The following THSD4 variants were observed in gnomAD, a reference collection of about 807,000 sequenced individuals.
The protein encoded by THSD4 is thrombospondin type-1 domain-containing protein 4.
THSD4 carries 69 observed loss-of-function variants against 119.0 expected under a neutral mutation model. That is an observed-to-expected ratio of 0.58 (90% confidence interval 0.48 to 0.71). The LOEUF (loss-of-function observed/expected upper bound fraction) is 0.71. Ranked by LOEUF, THSD4 falls within the 30% of genes least tolerant of loss-of-function variation. THSD4 has a pLI of 0.00. For synonymous variants in THSD4, 524 were observed against 540.4 expected (o/e 0.97, Z 0.42); for missense variants, 1,393 against 1,391.1 (o/e 1.00, Z -0.02).
At chr15:71,225,905 G>T (rs2044014239) in intron 4 of THSD4, among the ~76,000 whole-genome samples, 1 of 152,048 alleles carries the variant, frequency 6.6e-6, no homozygotes, top group Admixed American at 6.6e-5. Context: ...CACTGACATT[G>T]TAACTCTTCA....
intron 3 of THSD4, among the ~76,000 whole-genome samples, chr15:71,161,705 C>G (rs540866758): frequency 2.6e-5 from 4 of 151,832 alleles, no homozygotes; most frequent in South Asian, 2.1e-4. Context: ...TTCAGTTACT[C>G]TATTTTTTTT....
intron 7 of THSD4, among the ~76,000 whole-genome samples, chr15:71,442,614 GTGT>G: frequency 3.6e-5 from 2 of 55,270 alleles, no homozygotes; most frequent in African/African-American, 5.4e-5. Context: ...GTGTGTGTGT[GTGT>G]GTATATATAT....
chr15:71,243,170 A>T, intron 5 of THSD4, 74 bp downstream of exon 5: 1 of 1,455,266 alleles, frequency 6.9e-7, no homozygotes, highest in Non-Finnish European at 9.3e-7. Context: ...ACTAAGCATG[A>T]TGAAGACAGC....
chr15:71,420,452 G>C lies in THSD4; in HGVS notation c.1152+8629G>C, dbSNP rs539247945. ...CCACTCTATGTCTTTTGATTTGTGA[G>C]TTTTGTCCATTTCCATTCAATGTTA... On this transcript the variant is annotated intron_variant, in intron 7 of 17. Transcript: ENST00000261862. Among the ~76,000 whole-genome samples the C allele has an allele frequency of 2.9e-5, 3 of 105,118 alleles. 1 individual carries two copies. In the South Asian group the frequency reaches 9.0e-4, roughly 31 times the overall value. 69.0% of individuals were successfully genotyped at this position (105,118 alleles called of 152,430 possible).
chr15:71,410,341 C>G (rs1366729485), intron 6 of THSD4, among the ~76,000 whole-genome samples: 1 of 152,140 alleles, frequency 6.6e-6, no homozygotes, highest in African/African-American at 2.4e-5. Context: ...TAGAGGAGGC[C>G]ACATCAACCT....
intron 1 of THSD4, among the ~76,000 whole-genome samples, chr15:71,131,906 G>A (rs1055242288): frequency 1.3e-5 from 2 of 152,182 alleles, no homozygotes; most frequent in East Asian, 1.9e-4. Context: ...GGAATCACTC[G>A]ATGGAAAAAG....
chr15:71,332,961 T>G (rs2140376438), intron 6 of THSD4, among the ~76,000 whole-genome samples: 1 of 146,798 alleles, frequency 6.8e-6, no homozygotes, highest in South Asian at 2.2e-4. Context: ...CCCCAGACAA[T>G]TCTTATTCCA....
chr15:71,654,904 T>G (rs1326512653), intron 7 of THSD4, among the ~76,000 whole-genome samples: 7 of 152,170 alleles, frequency 4.6e-5, no homozygotes, highest in Admixed American at 1.3e-4. Context: ...CTCCACTATC[T>G]GAATGCCTGG....
At chr15:71,447,354 C>A (rs1246829786) in intron 7 of THSD4, among the ~76,000 whole-genome samples, 1 of 152,008 alleles carries the variant, frequency 6.6e-6, no homozygotes, top group Non-Finnish European at 1.5e-5. Flanking sequence ...CTCTTGACCT[C>A]GTGATCCGCC....
intron 7 of THSD4, among the ~76,000 whole-genome samples, chr15:71,472,074 C>T (rs530343227): frequency 6.6e-6 from 1 of 152,204 alleles, no homozygotes; most frequent in Admixed American, 6.5e-5. Flanking sequence ...ACCACCATGC[C>T]TGGCTAAATT....
chr15:71,608,222 C>CA (rs1220559216), intron 7 of THSD4, among the ~76,000 whole-genome samples: 2,366 of 45,804 alleles, frequency 0.052, 29 homozygotes, highest in East Asian at 0.13. Flanking sequence ...AACTCTGTCT[C>CA]AAAAAAAAAA....
chr15:71,221,518 C>A (rs917850492), intron 4 of THSD4, among the ~76,000 whole-genome samples: 7 of 152,198 alleles, frequency 4.6e-5, no homozygotes, highest in Non-Finnish European at 1.0e-4. Flanking sequence ...TTAAGTATCT[C>A]ATGTAAATTG....
chr15:71,738,834 C>T (rs930817480), intron 11 of THSD4, among the ~76,000 whole-genome samples: 3 of 152,084 alleles, frequency 2.0e-5, no homozygotes, highest in African/African-American at 4.8e-5. Context: ...ACCAATACTG[C>T]GTGGCCCAAG....
intron 7 of THSD4, among the ~76,000 whole-genome samples, chr15:71,449,917 G>A (rs2047239426): frequency 6.6e-6 from 1 of 152,034 alleles, no homozygotes; most frequent in Non-Finnish European, 1.5e-5. Flanking sequence ...TTGTAGACAG[G>A]AACAAAAAAC....
intron 3 of THSD4, among the ~76,000 whole-genome samples, chr15:71,214,084 A>C (rs1159495367): frequency 6.9e-6 from 1 of 144,812 alleles, no homozygotes; most frequent in African/African-American, 2.8e-5. Context: ...TGCACCAATC[A>C]GCACTCTGTA....
intron 2 of THSD4, among the ~76,000 whole-genome samples, chr15:71,153,574 T>A (rs1389722609): frequency 6.6e-6 from 1 of 152,178 alleles, no homozygotes; most frequent in Non-Finnish European, 1.5e-5. Context: ...GTCACTTACA[T>A]ACAAAACAGG....
intron 6 of THSD4, among the ~76,000 whole-genome samples, chr15:71,354,938 AT>A (rs2045788903): frequency 6.6e-6 from 1 of 152,178 alleles, no homozygotes; most frequent in African/African-American, 2.4e-5. Context: ...TCTTCCTTGA[AT>A]TTCCTGTGCC....
chr15:71,589,888 A>G (rs2049762002), intron 7 of THSD4, among the ~76,000 whole-genome samples: 1 of 139,584 alleles, frequency 7.2e-6, no homozygotes, highest in African/African-American at 2.5e-5. Flanking sequence ...CAGGAAAACT[A>G]GAGCCACATG....
At chr15:71,385,726 G>C (rs907093607) in intron 6 of THSD4, among the ~76,000 whole-genome samples, 1 of 152,200 alleles carries the variant, frequency 6.6e-6, no homozygotes, top group African/African-American at 2.4e-5. Flanking sequence ...TACAGAGTTA[G>C]GTTTTGGTTA....
Sources: allele counts gnomAD v4.1 joint callset (sites outside exome capture counted in the v4.1 genomes callset), GRCh38; gene constraint gnomAD v4.1.1; transcripts MANE v1.5; gene names NCBI Gene and HGNC (gene_info 2026-07-23, HGNC 2026-07-21).